The following OXNAD1 variants were observed in gnomAD, a reference collection of about 807,000 sequenced individuals.
The protein encoded by OXNAD1 is oxidoreductase NAD-binding domain-containing protein 1.
Under a neutral mutation model 32.9 loss-of-function variants are expected in OXNAD1, and 34 were observed. That is an observed-to-expected ratio of 1.03 (90% CI 0.79 to 1.38). The LOEUF is 1.38. Ranked by LOEUF, OXNAD1 falls within the 40% of genes most tolerant of loss-of-function variation. OXNAD1 has a pLI of 0.00. For missense variants in OXNAD1, 407 were observed against 379.4 expected (o/e 1.07, Z -0.60); for synonymous variants, 134 against 135.2 (o/e 0.99, Z 0.06).
chr3:16,308,565 C>G (rs1047119359), downstream of OXNAD1, among the ~76,000 whole-genome samples: 1 of 151,926 alleles, frequency 6.6e-6, no homozygotes, highest in Non-Finnish European at 1.5e-5. This position sits in a 1 kb window ranked among gnomAD's most constrained non-coding sequence, Gnocchi z 4.4. Flanking sequence ...TATTTTAAAA[C>G]TCAAAAGAAG....
At chr3:16,267,242 A>G (rs563293374) in intron 1 of OXNAD1, among the ~76,000 whole-genome samples, 1 of 152,270 alleles carries the variant, frequency 6.6e-6, no homozygotes, top group East Asian at 1.9e-4. Context: ...TTATAATCTT[A>G]GACCAGAGTC....
intron 1 of OXNAD1, among the ~76,000 whole-genome samples, chr3:16,266,919 G>A (rs1029878260): frequency 6.6e-6 from 1 of 152,184 alleles, no homozygotes; most frequent in Non-Finnish European, 1.5e-5. Context: ...TCACACCTGA[G>A]CCCAGTTCCG....
At chr3:16,282,150 T>A (rs545031176) in intron 4 of OXNAD1, among the ~76,000 whole-genome samples, 1 of 150,850 alleles carries the variant, frequency 6.6e-6, no homozygotes, top group African/African-American at 2.4e-5. Context: ...CCCAAAATAC[T>A]TCTGTAAATG....
rs59197788 is a variant in OXNAD1 at position 16,269,394 on chromosome 3, C to T, written c.-9+119C>T. ...GGTTGAAGAGGCCTTCTGCTTTTTT[C>T]ATTTAGTAAAGAGAAAAATAGCAAG... On this transcript the variant is annotated intron_variant, in intron 2 of 8. Coordinates refer to ENST00000285083, the MANE Select transcript of OXNAD1 (RefSeq NM_138381.5). 0.016 allele frequency: 17,322 copies of T among 1,083,634 alleles called. 1,949 individuals are homozygous for T. The African/African-American group carries it at 0.25, about 15-fold the overall frequency. The allele number at this position is 1,083,634 out of a possible 1,614,324, so 67.1% of individuals were successfully genotyped here. A position where few individuals can be genotyped will look rare whatever the true frequency, so the allele number is the denominator to read the frequency against.
chr3:16,294,501 G>A (rs78144822), intron 5 of OXNAD1, among the ~76,000 whole-genome samples: 4,498 of 152,310 alleles, frequency 0.03, 163 homozygotes, highest in East Asian at 0.11. Flanking sequence ...GAGCCACTGC[G>A]ACTGGCCTGG....
rs1000039465 is a variant in OXNAD1, at chr3:16,348,614, C to T, written c.*31-562C>T. ...TTTCCTTTGTAGGATGTCTTCTTCC[C>T]GAGGCTCCTTGATGTGTGGGGCCTC... On this transcript the variant is annotated intron_variant, in intron 9 of 9. Transcript: ENST00000606098. The surrounding 1 kb of genome is among the most constrained non-coding windows in gnomAD (Gnocchi z 6.3). 2.6e-5 allele frequency among the ~76,000 whole-genome samples: 4 copies of T among 152,108 alleles called. No individual in the cohort carries two copies. Among genetic ancestry groups the T allele is most frequent in the Admixed American group, 6.5e-5 (1 of 15,268 alleles).
chr3:16,291,694 A>G (rs927654355), intron 5 of OXNAD1, among the ~76,000 whole-genome samples: 1 of 152,240 alleles, frequency 6.6e-6, no homozygotes, highest in Non-Finnish European at 1.5e-5. Context: ...TAATGCTGCC[A>G]TGAACATTCA....
rs894929900 is a variant in OXNAD1 at position 16,336,673 on chromosome 3, T to A, written c.*31-439T>A. 2.6e-5 allele frequency among the ~76,000 whole-genome samples: 4 copies of A among 152,230 alleles called. No homozygotes were observed. Among genetic ancestry groups the A allele is most frequent in the Middle Eastern group, 3.4e-3 (1 of 294 alleles). On this transcript the variant is annotated intron_variant, in intron 9 of 9. Transcript: ENST00000435829. The surrounding 1 kb of genome is among the most constrained non-coding windows in gnomAD (Gnocchi z 6.0). The stretch of plus-strand genomic sequence containing the variant: ...TGTTCAAAGAGAATAATTTTTTTTT[T>A]TTAAAAAAGCTTAGTTCTTAGATGC...
intron 5 of OXNAD1, among the ~76,000 whole-genome samples, chr3:16,291,465 T>A (rs1046860712): frequency 3.3e-5 from 5 of 152,210 alleles, no homozygotes; most frequent in Non-Finnish European, 5.9e-5. Context: ...TTTGTCTCTA[T>A]GGATTTGTCT....
At position 16,303,777 on chromosome 3, in the gene OXNAD1, C is replaced by G; in HGVS notation, c.*215C>G. 4.8e-6 allele frequency: 2 copies of G among 413,018 alleles called. No homozygotes were observed. Among genetic ancestry groups the G allele is most frequent in the Non-Finnish European group, 8.6e-6 (2 of 233,328 alleles). 25.6% of individuals were successfully genotyped at this position (413,018 alleles called of 1,614,324 possible). On this transcript the variant is annotated 3_prime_UTR_variant, in exon 9 of 9. Transcript: ENST00000285083. This position sits in a 1 kb window ranked among gnomAD's most constrained non-coding sequence, Gnocchi z 4.8. The stretch of plus-strand genomic sequence containing the variant: ...AGTGATCAAACTATTTTTTACTATA[C>G]TGATTTTCTGTTATTAACAACGATT...
At chr3:16,273,745 C>T (rs766249718) in intron 4 of OXNAD1, among the ~76,000 whole-genome samples, 13 of 152,178 alleles carry the variant, frequency 8.5e-5, no homozygotes, top group Non-Finnish European at 1.6e-4. Context: ...GGAACTTGCA[C>T]AGCATCCATC....
chr3:16,292,048 A>C (rs2066464024), intron 5 of OXNAD1, among the ~76,000 whole-genome samples: 1 of 152,142 alleles, frequency 6.6e-6, no homozygotes, highest in South Asian at 2.1e-4. Context: ...ATATTAATTT[A>C]AAGTATTTTG....
chr3:16,265,225 C>A lies in OXNAD1; in HGVS notation c.-439C>A, dbSNP rs1045567225. ...TGGGACCGCGGAGTATTCCAGGCGC[C>A]TGCAACTAAACGTGGCCGGGTCTGC... On this transcript the variant is annotated 5_prime_UTR_variant, in exon 1 of 9. The change creates a new upstream start codon in the 5' untranslated region. Coordinates refer to ENST00000285083, the MANE Select transcript of OXNAD1 (RefSeq NM_138381.5). This position sits in a 1 kb window ranked among gnomAD's most constrained non-coding sequence, Gnocchi z 4.8. 1 of 285,454 alleles carries A rather than the reference C, an allele frequency of 3.5e-6. No homozygotes were observed. 17.7% of individuals were successfully genotyped at this position (285,454 alleles called of 1,614,324 possible).
intron 4 of OXNAD1, among the ~76,000 whole-genome samples, chr3:16,285,401 T>C (rs1399608961): frequency 1.3e-5 from 2 of 152,208 alleles, no homozygotes; most frequent in East Asian, 3.8e-4. Context: ...TTTTGGTTAG[T>C]TGCTGATTTG....
Position 16,269,209 on chromosome 3 carries a change from ACC to A in OXNAD1, c.-74_-73del. The A allele has an allele frequency of 6.5e-7, 1 of 1,534,316 alleles. No homozygotes were observed. The highest frequency in any genetic ancestry group is 8.7e-7 in the Non-Finnish European group (1 of 1,146,436). On this transcript the variant is annotated 5_prime_UTR_variant, in exon 2 of 9. An upstream open reading frame in the 5' UTR gains an earlier in-frame stop. Transcript: ENST00000285083. ...CCAAAAGTCTCAGTGTAATAGCAGG[ACC>A]AAAATATTCTGTCAATCAGCTGACC...
intron 4 of OXNAD1, among the ~76,000 whole-genome samples, chr3:16,272,752 C>CT (rs1336048564): frequency 2.7e-4 from 38 of 138,942 alleles, no homozygotes; most frequent in African/African-American, 8.8e-4. Flanking sequence ...TCTGAAAATA[C>CT]TTTTTTTTTG....
rs189448661 is a variant in OXNAD1, at chr3:16,321,254, C to T, written c.*31-15858C>T. Among the ~76,000 whole-genome samples the T allele has an allele frequency of 9.2e-5, 14 of 151,966 alleles. No individual in the cohort carries two copies. In the South Asian group the frequency reaches 2.3e-3, roughly 25 times the overall value. On this transcript the variant is annotated intron_variant, in intron 9 of 9. Coordinates refer to the OXNAD1 transcript ENST00000435829. The surrounding 1 kb of genome is among the most constrained non-coding windows in gnomAD (Gnocchi z 4.8). ...GTGCAGTGAGGGCTGAAAATGCAGG[C>T]GGAATGGTCATTGGCACAGAGGTGG...
intron 9 of OXNAD1, among the ~76,000 whole-genome samples, chr3:16,326,579 C>T (rs1367957255): frequency 1.3e-5 from 2 of 152,112 alleles, no homozygotes; most frequent in East Asian, 1.9e-4. Context: ...AAGAGGGGTG[C>T]AGGGGAGTTC....
Position 16,305,557 on chromosome 3 carries a change from GC to G in OXNAD1, c.*1997del, listed in dbSNP as rs2067491500. ...TAGCCGAGAATGTCCTCTTGCTCTT[GC>G]CTGCCAGGCCTGTCCAGATCTTTTT... On this transcript the variant is annotated 3_prime_UTR_variant, in exon 9 of 9. Transcript: ENST00000285083. The surrounding 1 kb of genome is among the most constrained non-coding windows in gnomAD (Gnocchi z 4.5). The G allele has an allele frequency of 1.3e-5, 2 of 152,192 alleles. No individual in the cohort carries two copies. Among genetic ancestry groups the G allele is most frequent in the African/African-American group, 2.4e-5 (1 of 41,416 alleles). The allele number at this position is 152,192 out of a possible 1,614,324, so 9.4% of individuals were successfully genotyped here. A position where few individuals can be genotyped will look rare whatever the true frequency, so the allele number is the denominator to read the frequency against.
Sources: allele counts gnomAD v4.1 joint callset (sites outside exome capture counted in the v4.1 genomes callset), GRCh38; gene constraint gnomAD v4.1.1; non-coding constraint Gnocchi (gnomAD v3.1); transcripts MANE v1.5; gene names NCBI Gene and HGNC (gene_info 2026-07-23, HGNC 2026-07-21).